HDAC9: variants seen among roughly 807,000 people sequenced by gnomAD.
HDAC9 encodes the protein MEF-2 interacting transcription repressor (MITR) protein.
A neutral mutation model predicts 139.4 loss-of-function variants in HDAC9; 41 were observed. That is an observed-to-expected ratio of 0.29 (90% confidence interval 0.23 to 0.38). HDAC9 has a LOEUF of 0.38. Ranked by LOEUF, HDAC9 falls within the 10% of genes least tolerant of loss-of-function variation. The pLI is 1.00. For synonymous variants in HDAC9, 517 were observed against 476.2 expected (o/e 1.09, Z -1.12); for missense variants, 1,147 against 1,297.0 (o/e 0.88, Z 1.78).
chr7:18,731,030 G>T (rs575816270), intron 13 of HDAC9, among the ~76,000 whole-genome samples: 15 of 152,330 alleles, frequency 9.8e-5, no homozygotes, highest in African/African-American at 3.4e-4. Flanking sequence ...GCATGGAGCT[G>T]CTGGAGAAAG....
intron 11 of HDAC9, among the ~76,000 whole-genome samples, chr7:18,657,550 T>C (rs146016945): frequency 1.6e-3 from 248 of 152,220 alleles, no homozygotes; most frequent in African/African-American, 5.7e-3. Flanking sequence ...AGAATCCTAT[T>C]AGGTAATTTT....
At chr7:18,362,606 C>T (rs1783867825) in intron 1 of HDAC9, among the ~76,000 whole-genome samples, 1 of 151,816 alleles carries the variant, frequency 6.6e-6, no homozygotes, top group African/African-American at 2.4e-5. Context: ...AAAAATTGAC[C>T]CTGGATTGAT....
At chr7:18,794,922 A>G (rs1248043172) in intron 17 of HDAC9, among the ~76,000 whole-genome samples, 1 of 152,188 alleles carries the variant, frequency 6.6e-6, no homozygotes. Context: ...AATTGTTTTA[A>G]GTTTGTGTAA....
chr7:18,661,567 G>C (rs1793143865), intron 11 of HDAC9, among the ~76,000 whole-genome samples: 1 of 151,902 alleles, frequency 6.6e-6, no homozygotes, highest in South Asian at 2.1e-4. Context: ...TACAATCTTA[G>C]AGATGACTTG....
In HDAC9 at chr7:18,647,926, A is replaced by G. The variant is rs1383509216; in HGVS notation, c.1177A>G (p.Ser393Gly). Residue 393 changes from serine (S) to glycine (G), a missense_variant, in exon 10 of 26, where the codon AGC becomes GGC. This residue lies in a region of HDAC9 where 264 missense variants were observed against 273.8 expected (regional missense o/e 0.96). Transcript: ENST00000686413. ...TACTTTAGAGGGAAAGCCACCCAAC[A>G]GCAGCCACCAGGCTCTCCTGCAGCA... is the stretch of plus-strand genomic sequence containing the variant. ...HVTLEGKPPN[S>G]SHQALLQHLL... The G allele has an allele frequency of 6.2e-7, 1 of 1,612,952 alleles. No homozygotes were observed. The highest frequency in any genetic ancestry group is 1.1e-5 in the South Asian group (1 of 90,966).
At chr7:18,395,685 G>A (rs1282539458) in intron 1 of HDAC9, among the ~76,000 whole-genome samples, 4 of 151,878 alleles carry the variant, frequency 2.6e-5, no homozygotes, top group East Asian at 1.9e-4. Flanking sequence ...TTTATGTATC[G>A]GAAACTTGAC....
At chr7:18,822,066 TTATC>T (rs1795015690) in intron 17 of HDAC9, among the ~76,000 whole-genome samples, 1 of 152,176 alleles carries the variant, frequency 6.6e-6, no homozygotes, top group South Asian at 2.1e-4. Flanking sequence ...TCTCTGAACC[TTATC>T]TTTTTATTCT....
intron 22 of HDAC9, among the ~76,000 whole-genome samples, chr7:18,904,475 A>G (rs1326355403): frequency 6.6e-6 from 1 of 151,752 alleles, no homozygotes; most frequent in Non-Finnish European, 1.5e-5. Context: ...AAACATTTAG[A>G]TCCATAAAAT....
At chr7:18,709,454 C>T (rs1444578433) in intron 12 of HDAC9, among the ~76,000 whole-genome samples, 1 of 152,154 alleles carries the variant, frequency 6.6e-6, no homozygotes, top group African/African-American at 2.4e-5. Flanking sequence ...TAACATGACA[C>T]TTTCACATCA....
rs566391834 is a variant in HDAC9 at position 18,451,443 on chromosome 7, G to C, written c.-41-44819G>C. 9.2e-5 allele frequency among the ~76,000 whole-genome samples: 14 copies of C among 151,410 alleles called. No homozygotes were observed. In the East Asian group the frequency reaches 2.5e-3, roughly 27 times the overall value. On this transcript the variant is annotated intron_variant, in intron 1 of 3. Transcript: ENST00000413509. ...TGTGTATATATATGTGTGTGTGTGT[G>C]TGTGTATATGTATATATATATGCAT...
In HDAC9 at chr7:18,990,612, C is replaced by G. The variant is rs189369798; in HGVS notation, c.3171-5411C>G. Among the ~76,000 whole-genome samples the G allele has an allele frequency of 2.2e-3, 341 of 152,316 alleles. 1 individual carries two copies. Among genetic ancestry groups the G allele is most frequent in the African/African-American group, 7.9e-3 (329 of 41,546 alleles). On this transcript the variant is annotated intron_variant, in intron 25 of 25. Transcript: ENST00000686413. ...TTCCAGGCTGCTTTGTTTACCTAAG[C>G]AAGGCTGGGCAATGGCGGGCGCCCC... is the stretch of plus-strand genomic sequence containing the variant.
chr7:18,358,249 A>G (rs1429367706), intron 1 of HDAC9, among the ~76,000 whole-genome samples: 1 of 152,206 alleles, frequency 6.6e-6, no homozygotes, highest in Non-Finnish European at 1.5e-5. Flanking sequence ...ATCTAGACAA[A>G]AATGCTCTTG....
chr7:18,793,719 C>G (rs1393562585), intron 17 of HDAC9, among the ~76,000 whole-genome samples: 1 of 152,112 alleles, frequency 6.6e-6, no homozygotes, highest in Non-Finnish European at 1.5e-5. Context: ...ATAAGCAAAG[C>G]TATGGTTCAG....
chr7:18,800,019 G>A (rs779374427), intron 17 of HDAC9, among the ~76,000 whole-genome samples: 10 of 152,056 alleles, frequency 6.6e-5, no homozygotes, highest in Non-Finnish European at 1.2e-4. Flanking sequence ...CAGCAAAAGA[G>A]AAGCAACTCA....
intron 12 of HDAC9, among the ~76,000 whole-genome samples, chr7:18,692,833 A>G (rs1782766769): frequency 6.6e-6 from 1 of 152,130 alleles, no homozygotes; most frequent in South Asian, 2.1e-4. Flanking sequence ...CTGGTAAATA[A>G]TGATTTGTTT....
chr7:18,811,801 T>A (rs1022604223), intron 17 of HDAC9, among the ~76,000 whole-genome samples: 1 of 151,566 alleles, frequency 6.6e-6, no homozygotes, highest in East Asian at 1.9e-4. Flanking sequence ...GTGTTGTATG[T>A]TTGTGGGTGT....
intron 5 of HDAC9, among the ~76,000 whole-genome samples, chr7:18,593,479 T>G (rs904814491): frequency 6.6e-6 from 1 of 152,118 alleles, no homozygotes; most frequent in Non-Finnish European, 1.5e-5. Flanking sequence ...TCTCATGTAC[T>G]CACATGTACT....
intron 12 of HDAC9, among the ~76,000 whole-genome samples, chr7:18,708,917 C>T (rs375629410): frequency 3.3e-5 from 5 of 152,088 alleles, no homozygotes; most frequent in Admixed American, 6.6e-5. Context: ...TCTCCACACA[C>T]ACCCACACAC....
intron 22 of HDAC9, among the ~76,000 whole-genome samples, chr7:18,887,593 C>T (rs1191421571): frequency 3.9e-5 from 6 of 152,092 alleles, no homozygotes; most frequent in South Asian, 2.1e-4. Context: ...CATATAATAA[C>T]GTATAAATGA....
Sources: allele counts gnomAD v4.1 joint callset (sites outside exome capture counted in the v4.1 genomes callset), GRCh38; gene constraint gnomAD v4.1.1; regional missense constraint gnomAD v4.1.1; transcripts MANE v1.5; gene names NCBI Gene and HGNC (gene_info 2026-07-23, HGNC 2026-07-21).